CACNA2D1: variants seen among roughly 807,000 people sequenced by gnomAD.
CACNA2D1 encodes calcium voltage-gated channel auxiliary subunit alpha2delta 1.
In CACNA2D1, 53 loss-of-function variants were observed where a neutral mutation model predicts 171.5. The ratio of observed to expected loss-of-function variants is 0.31; its 90% CI spans 0.25 to 0.39. CACNA2D1 has a LOEUF of 0.39. Ranked by LOEUF, CACNA2D1 falls within the 10% of genes least tolerant of loss-of-function variation. The pLI is 1.00. For missense variants in CACNA2D1, 903 were observed against 1,299.8 expected (o/e 0.69, Z 4.69); for synonymous variants, 442 against 443.1 (o/e 1.00, Z 0.03).
At chr7:82,021,209 A>C (rs765884366) in intron 12 of CACNA2D1, 8 of 152,180 alleles carry the variant, frequency 5.3e-5, no homozygotes, top group Admixed American at 1.3e-4. Context: ...CTGAGAGGTC[A>C]GAATATAAGC....
At chr7:82,309,118 G>C (rs73164277) in intron 3 of CACNA2D1, among the ~76,000 whole-genome samples, 2,419 of 152,160 alleles carry the variant, frequency 0.016, 41 homozygotes, top group Non-Finnish European at 0.025. Context: ...TAAAATTGTT[G>C]GTAAAGGCCA....
At chr7:82,443,219 G>A in intron 1 of CACNA2D1, 146 bp downstream of exon 1, 1 of 691,120 alleles carries the variant, frequency 1.4e-6, no homozygotes. Context: ...CCGCCTGCCC[G>A]GCGTCTCCGC....
chr7:81,984,333 G>A (rs1796740050), intron 22 of CACNA2D1, among the ~76,000 whole-genome samples: 1 of 152,170 alleles, frequency 6.6e-6, no homozygotes, highest in Non-Finnish European at 1.5e-5. Flanking sequence ...GCTCCAGCTA[G>A]CAGACCCTTA....
chr7:82,377,440 T>C (rs1823143315), intron 1 of CACNA2D1, among the ~76,000 whole-genome samples: 1 of 152,230 alleles, frequency 6.6e-6, no homozygotes, highest in Non-Finnish European at 1.5e-5. Flanking sequence ...CTAACAAGAA[T>C]GCAGGCAGAA....
intron 3 of CACNA2D1, among the ~76,000 whole-genome samples, chr7:82,281,260 AGAC>A (rs1282873657): frequency 5.9e-5 from 9 of 152,204 alleles, no homozygotes; most frequent in African/African-American, 1.9e-4. Flanking sequence ...CAGTTTTTCT[AGAC>A]AACAGAAGAC....
At chr7:82,430,469 G>T (rs568534416) in intron 1 of CACNA2D1, among the ~76,000 whole-genome samples, 39 of 150,826 alleles carry the variant, frequency 2.6e-4, no homozygotes, top group African/African-American at 9.0e-4. Context: ...TGCTTCAATG[G>T]TTATCATCAA....
intron 3 of CACNA2D1, among the ~76,000 whole-genome samples, chr7:82,182,659 A>G (rs1346340779): frequency 2.0e-5 from 3 of 152,148 alleles, no homozygotes; most frequent in Admixed American, 2.0e-4. Flanking sequence ...TTTAATATAC[A>G]TCTGACAAAA....
chr7:82,364,573 A>C (rs903868471), intron 1 of CACNA2D1, among the ~76,000 whole-genome samples: 3 of 152,236 alleles, frequency 2.0e-5, no homozygotes, highest in African/African-American at 7.2e-5. Context: ...TAAAACTGCT[A>C]TCTAAGAAGT....
intron 3 of CACNA2D1, among the ~76,000 whole-genome samples, chr7:82,290,243 CA>C (rs1320015458): frequency 3.3e-5 from 5 of 152,036 alleles, no homozygotes; most frequent in South Asian, 2.1e-4. Context: ...CAGGAAAAAT[CA>C]AAAGGATGCC....
intron 7 of CACNA2D1, among the ~76,000 whole-genome samples, chr7:82,067,664 A>C (rs937670965): frequency 2.6e-5 from 4 of 152,216 alleles, no homozygotes; most frequent in Non-Finnish European, 5.9e-5. Context: ...TGGTGAGTTT[A>C]CTGCAATTTG....
At position 82,443,478 on chromosome 7, in the gene CACNA2D1, A is replaced by G. The variant is rs766220342; in HGVS notation, c.-19T>C. 4.4e-6 allele frequency: 7 copies of G among 1,605,334 alleles called. No homozygotes were observed. Among genetic ancestry groups the G allele is most frequent in the East Asian group, 2.3e-5 (1 of 44,284 alleles). ...CAGCCATCTTCGCGATCGAAGATCA[A>G]TGCCCCCTCCCTGCCCAAGCGGGGG... is the stretch of plus-strand genomic sequence containing the variant. On this transcript the variant is annotated 5_prime_UTR_variant, in exon 1 of 39. Coordinates refer to ENST00000356860, the MANE Select transcript of CACNA2D1 (RefSeq NM_000722.4).
chr7:82,279,256 C>T (rs1809763165), intron 3 of CACNA2D1, among the ~76,000 whole-genome samples: 1 of 152,106 alleles, frequency 6.6e-6, no homozygotes, highest in Non-Finnish European at 1.5e-5. Context: ...TCTTTCTGCC[C>T]CTCCTCTATT....
At chr7:82,276,298 C>T (rs1379693685) in intron 3 of CACNA2D1, among the ~76,000 whole-genome samples, 1 of 152,170 alleles carries the variant, frequency 6.6e-6, no homozygotes, top group South Asian at 2.1e-4. Context: ...AAATCAAAAG[C>T]TTGTTTTCCC....
intron 6 of CACNA2D1, among the ~76,000 whole-genome samples, chr7:82,097,838 G>C (rs779289494): frequency 1.3e-5 from 2 of 152,142 alleles, no homozygotes; most frequent in Non-Finnish European, 2.9e-5. Context: ...GCAAGGACAG[G>C]TCCAGTAGCT....
chr7:82,148,605 A>C (rs1443965603), intron 4 of CACNA2D1, among the ~76,000 whole-genome samples: 1 of 152,160 alleles, frequency 6.6e-6, no homozygotes. Context: ...AAAACTCCCC[A>C]GCTTCCCTGC....
At chr7:82,291,469 A>ATCTATC (rs1488095652) in intron 3 of CACNA2D1, among the ~76,000 whole-genome samples, 1 of 134,524 alleles carries the variant, frequency 7.4e-6, no homozygotes, top group African/African-American at 2.7e-5. Flanking sequence ...TAAATATATA[A>ATCTATC]TATATAAAAA....
intron 3 of CACNA2D1, among the ~76,000 whole-genome samples, chr7:82,258,916 C>T (rs1285587588): frequency 6.7e-6 from 1 of 148,336 alleles, no homozygotes; most frequent in Non-Finnish European, 1.5e-5. Context: ...CAACCTCCGC[C>T]TCCCAGGTTC....
chr7:82,029,947 G>A (rs528222408), intron 12 of CACNA2D1: 2 of 151,952 alleles, frequency 1.3e-5, no homozygotes, highest in South Asian at 4.1e-4. Flanking sequence ...AAGGTTATAT[G>A]TTTTCAGGAA....
intron 6 of CACNA2D1, among the ~76,000 whole-genome samples, chr7:82,097,391 G>A (rs1316267489): frequency 6.6e-6 from 1 of 152,138 alleles, no homozygotes; most frequent in Admixed American, 6.5e-5. Context: ...CCATCAGACT[G>A]GTGAGGAGTA....
Sources: allele counts gnomAD v4.1 joint callset (sites outside exome capture counted in the v4.1 genomes callset), GRCh38; gene constraint gnomAD v4.1.1; transcripts MANE v1.5; gene names NCBI Gene and HGNC (gene_info 2026-07-23, HGNC 2026-07-21).